SPMIP6: variants seen among roughly 807,000 people sequenced by gnomAD.
SPMIP6 encodes sperm microtubule inner protein 6, also known as ciliated bronchial epithelial protein 1.
At chr9:34,388,725 TTAAA>T in the SPMIP6 span, among the ~76,000 whole-genome samples, 1 of 152,200 alleles carries the variant, frequency 6.6e-6, no homozygotes, top group African/African-American at 2.4e-5. Flanking sequence ...AGTTTATCTC[TTAAA>T]TATTCATTTA....
At chr9:34,388,294 C>T in the SPMIP6 span, among the ~76,000 whole-genome samples, 7 of 147,584 alleles carry the variant, frequency 4.7e-5, no homozygotes, top group Admixed American at 4.9e-4. Flanking sequence ...GCGCCTGCCA[C>T]CACTCCCAGC....
chr9:34,395,310 C>T, the SPMIP6 span, among the ~76,000 whole-genome samples: 3 of 152,304 alleles, frequency 2.0e-5, no homozygotes, highest in Non-Finnish European at 2.9e-5. Context: ...TTTCACTCCT[C>T]GCCATTCATT....
chr9:34,384,783 G>T, the SPMIP6 span, among the ~76,000 whole-genome samples: 2 of 152,184 alleles, frequency 1.3e-5, no homozygotes, highest in African/African-American at 4.8e-5. Context: ...AAATGAGAAA[G>T]ACAGTTTCTC....
At chr9:34,396,522 A>G in the SPMIP6 span, among the ~76,000 whole-genome samples, 6 of 152,248 alleles carry the variant, frequency 3.9e-5, no homozygotes, top group African/African-American at 1.4e-4. Flanking sequence ...CCAGGTTCAA[A>G]AACCTGGAGC....
the SPMIP6 span, chr9:34,397,444 C>A: frequency 6.4e-7 from 1 of 1,566,662 alleles, no homozygotes; most frequent in South Asian, 1.1e-5. Context: ...CATTGCCAGG[C>A]ATCCAGACTG....
At chr9:34,379,790 C>A in the SPMIP6 span, 2 of 1,365,864 alleles carry the variant, frequency 1.5e-6, no homozygotes, top group Non-Finnish European at 2.1e-6. This position sits in a 1 kb window ranked among gnomAD's most constrained non-coding sequence, Gnocchi z 4.2. Flanking sequence ...TCTCATCCCC[C>A]GATTTAGACC....
the SPMIP6 span, among the ~76,000 whole-genome samples, chr9:34,389,663 T>C: frequency 6.6e-6 from 1 of 152,164 alleles, no homozygotes; most frequent in African/African-American, 2.4e-5. Context: ...CCACGCCCGG[T>C]GGCACTGAAT....
the SPMIP6 span, among the ~76,000 whole-genome samples, chr9:34,390,550 G>A: frequency 6.6e-6 from 1 of 151,908 alleles, no homozygotes; most frequent in East Asian, 1.9e-4. Context: ...AACTATCCTT[G>A]CATTTATGAA....
the SPMIP6 span, chr9:34,382,947 T>C: frequency 1.0e-6 from 1 of 983,072 alleles, no homozygotes. Flanking sequence ...TACATGTTTC[T>C]CTTCCGATTC....
the SPMIP6 span, among the ~76,000 whole-genome samples, chr9:34,384,062 C>G: frequency 6.6e-6 from 1 of 152,168 alleles, no homozygotes; most frequent in African/African-American, 2.4e-5. Context: ...AATACATATG[C>G]GACACGGTGT....
chr9:34,384,708 T>C, the SPMIP6 span, among the ~76,000 whole-genome samples: 2 of 152,180 alleles, frequency 1.3e-5, no homozygotes, highest in Non-Finnish European at 2.9e-5. Context: ...GGGGCACAGC[T>C]GTGAATAAGA....
the SPMIP6 span, among the ~76,000 whole-genome samples, chr9:34,391,312 C>G: frequency 2.0e-4 from 30 of 152,188 alleles, no homozygotes; most frequent in African/African-American, 7.2e-4. Context: ...TCTTAATTCT[C>G]TAGAGATTTG....
At chr9:34,390,457 A>G in the SPMIP6 span, among the ~76,000 whole-genome samples, 2 of 152,114 alleles carry the variant, frequency 1.3e-5, no homozygotes, top group African/African-American at 4.8e-5. Context: ...TCTCATGTCC[A>G]TTTCTGCATA....
chr9:34,382,643 G>C, the SPMIP6 span: 2 of 763,030 alleles, frequency 2.6e-6, no homozygotes, highest in Admixed American at 1.8e-5. Flanking sequence ...TGGGGCATTT[G>C]TTGGGAAAGC....
At chr9:34,381,324 AC>A in the SPMIP6 span, 25 of 1,612,402 alleles carry the variant, frequency 1.6e-5, no homozygotes, top group South Asian at 2.6e-4. The surrounding 1 kb of genome is among the most constrained non-coding windows in gnomAD (Gnocchi z 4.4). Flanking sequence ...GCCTTCCCCA[AC>A]CCTCTCCACC....
the SPMIP6 span, among the ~76,000 whole-genome samples, chr9:34,387,028 TG>T: frequency 2.0e-4 from 26 of 132,952 alleles, no homozygotes; most frequent in African/African-American, 7.1e-4. Flanking sequence ...TTGATCCTTA[TG>T]ATTTTTTTTT....
chr9:34,385,951 G>C, the SPMIP6 span, among the ~76,000 whole-genome samples: 108,441 of 152,084 alleles, frequency 0.71, 39,019 homozygotes, highest in East Asian at 0.95. Context: ...TCTGCACAGT[G>C]CTCTTGTCTG....
chr9:34,385,613 G>A, the SPMIP6 span: 1 of 1,611,144 alleles, frequency 6.2e-7, no homozygotes, highest in South Asian at 1.1e-5. Context: ...TCATTTTAGG[G>A]GTCAGCAAAG....
chr9:34,388,098 C>T, the SPMIP6 span, among the ~76,000 whole-genome samples: 1 of 150,308 alleles, frequency 6.7e-6, no homozygotes, highest in African/African-American at 2.5e-5. Flanking sequence ...TGGGCAGTTA[C>T]CCTGTGGCAT....
Sources: allele counts gnomAD v4.1 joint callset (sites outside exome capture counted in the v4.1 genomes callset), GRCh38; gene constraint gnomAD v4.1.1; non-coding constraint Gnocchi (gnomAD v3.1); transcripts MANE v1.5; gene names NCBI Gene and HGNC (gene_info 2026-07-23, HGNC 2026-07-21).